NT5C1B: variants seen among roughly 807,000 people sequenced by gnomAD.
The protein encoded by NT5C1B is 5'-nucleotidase, cytosolic IB.
In NT5C1B, 44 loss-of-function variants were observed where a neutral mutation model predicts 57.8. The observed-to-expected ratio is 0.76, with a 90% CI of 0.60 to 0.98. The LOEUF (loss-of-function observed/expected upper bound fraction) is 0.98, where lower values mean the gene tolerates loss of function less well. NT5C1B is among the 50% of genes least tolerant of loss of function. The pLI is 0.00. For missense variants in NT5C1B, 742 were observed against 719.5 expected (o/e 1.03, Z -0.36); for synonymous variants, 284 against 282.6 (o/e 1.00, Z -0.05).
chr2:18,576,213 T>G, exon 8 of NT5C1B: 2 of 1,613,344 alleles, frequency 1.2e-6, no homozygotes, highest in South Asian at 2.2e-5. Context: ...TCACATAATG[T>G]ATCATACTGG....
rs569213286 is a variant in NT5C1B at position 18,586,382 on chromosome 2, C to G, written c.130G>C (p.Glu44Gln). Residue 44 changes from glutamate to glutamine, a missense_variant, in exon 3 of 9, where the codon GAA (glutamate) becomes CAA (glutamine). Transcript: ENST00000304081. ...GAGTCTGTCTTCCGCAGTGATGATT[C>G]TTGTGATCCCTGTGATGGAAAGAAG... 1.3e-4 allele frequency: 207 copies of G among 1,613,976 alleles called. 2 individuals are homozygous for G. In the South Asian group the frequency reaches 2.2e-3, roughly 17 times the overall value.
Position 18,584,276 on chromosome 2 carries a change from G to C in NT5C1B, c.724-21C>G. The C allele has an allele frequency of 6.2e-7, 1 of 1,610,044 alleles. No homozygotes were observed. ...TTGGGCTGCAGAGAGGGACGCCAAA[G>C]GGAGGATAGTCACATAGCCACGAAG... On this transcript the variant is annotated intron_variant, in intron 4 of 8. Coordinates refer to ENST00000304081, the Ensembl canonical transcript of NT5C1B. The surrounding 1 kb of genome is among the most constrained non-coding windows in gnomAD (Gnocchi z 5.8).
intron 8 of NT5C1B, among the ~76,000 whole-genome samples, chr2:18,566,604 A>C (rs1456236524): frequency 6.6e-6 from 1 of 152,214 alleles, no homozygotes; most frequent in Non-Finnish European, 1.5e-5. Context: ...TTCCAAATGG[A>C]AGAAACAGAG....
intron 8 of NT5C1B, among the ~76,000 whole-genome samples, chr2:18,566,332 G>A (rs755613999): frequency 6.6e-4 from 100 of 152,182 alleles, no homozygotes; most frequent in Middle Eastern, 3.4e-3. Context: ...CTTCTTTGCT[G>A]TCATGGAAAC....
At chr2:18,576,682 C>A in intron 7 of NT5C1B, 91 bp downstream of exon 7, 1 of 1,562,568 alleles carries the variant, frequency 6.4e-7, no homozygotes, top group South Asian at 1.2e-5. Flanking sequence ...CCAACAAGAC[C>A]ATAAGCCTCA....
At chr2:18,583,943 C>G (rs756387892) in intron 5 of NT5C1B, 145 bp downstream of exon 5, 17 of 1,445,840 alleles carry the variant, frequency 1.2e-5, no homozygotes, top group Non-Finnish European at 1.6e-5. Context: ...AAATCATAAA[C>G]TGACCTGGGT....
intron 8 of NT5C1B, among the ~76,000 whole-genome samples, chr2:18,567,163 TA>T (rs1664717463): frequency 1.3e-5 from 2 of 151,996 alleles, no homozygotes; most frequent in African/African-American, 4.8e-5. Flanking sequence ...AGTGGGGTGA[TA>T]GAATAAAGCC....
intron 3 of NT5C1B, among the ~76,000 whole-genome samples, chr2:18,585,940 G>A (rs990222796): frequency 6.6e-6 from 1 of 152,042 alleles, no homozygotes; most frequent in African/African-American, 2.4e-5. Flanking sequence ...TCCCTCTTCT[G>A]AGAATCACAG....
In NT5C1B at chr2:18,584,428, A is replaced by G; in HGVS notation, c.723+86T>C. On this transcript the variant is annotated intron_variant, in intron 4 of 8. Coordinates refer to ENST00000304081, the Ensembl canonical transcript of NT5C1B. The surrounding 1 kb of genome is among the most constrained non-coding windows in gnomAD (Gnocchi z 5.8). ...AAGTTTGGGGAGGAGAAGCGGGAGG[A>G]CCTCCCTGCGCAGTGGAGAGGAGGG... The G allele has an allele frequency of 7.8e-6, 12 of 1,528,836 alleles. No individual in the cohort carries two copies. The highest frequency in any genetic ancestry group is 1.1e-5 in the Non-Finnish European group (12 of 1,138,020). 94.7% of individuals were successfully genotyped at this position (1,528,836 alleles called of 1,614,324 possible). A position where few individuals can be genotyped will look rare whatever the true frequency, so the allele number is the denominator to read the frequency against.
intron 6 of NT5C1B, among the ~76,000 whole-genome samples, chr2:18,580,291 C>A (rs1053279220): frequency 6.6e-6 from 1 of 151,932 alleles, no homozygotes; most frequent in Non-Finnish European, 1.5e-5. Flanking sequence ...GGGTATATAC[C>A]CAGAGGAATA....
intron 6 of NT5C1B, among the ~76,000 whole-genome samples, chr2:18,578,539 C>G (rs928841879): frequency 6.6e-6 from 1 of 151,896 alleles, no homozygotes; most frequent in Non-Finnish European, 1.5e-5. Flanking sequence ...TAGTTCAGAA[C>G]TAAAAGTAAA....
chr2:18,584,051 G>C lies in NT5C1B; in HGVS notation c.891+37C>G, dbSNP rs779274761. On this transcript the variant is annotated intron_variant, in intron 5 of 8. Coordinates refer to ENST00000304081, the Ensembl canonical transcript of NT5C1B. This position sits in a 1 kb window ranked among gnomAD's most constrained non-coding sequence, Gnocchi z 5.8. The stretch of plus-strand genomic sequence containing the variant: ...TGGCCTGGGTCCCTCCCTCGCCATC[G>C]AGTGTCCTGGCGGGCCAAAGACAGC... 5.3e-5 allele frequency: 86 copies of C among 1,614,140 alleles called. No individual in the cohort carries two copies. Among genetic ancestry groups the C allele is most frequent in the Non-Finnish European group, 7.2e-5 (85 of 1,180,012 alleles).
At chr2:18,575,540 G>T (rs765373852) in intron 8 of NT5C1B, among the ~76,000 whole-genome samples, 1 of 152,126 alleles carries the variant, frequency 6.6e-6, no homozygotes, top group African/African-American at 2.4e-5. Flanking sequence ...CAGATTAAGT[G>T]ACATTTTGAT....
chr2:18,586,155 A>G, intron 3 of NT5C1B, 99 bp downstream of exon 3: 2 of 1,513,142 alleles, frequency 1.3e-6, no homozygotes, highest in East Asian at 2.3e-5. Context: ...TAACACATGT[A>G]AAGCACATAA....
rs1305109527 is a variant in NT5C1B at position 18,584,012 on chromosome 2, G to A, written c.891+76C>T. 1 of 1,610,856 alleles carries A rather than the reference G, an allele frequency of 6.2e-7. No homozygotes were observed. Among genetic ancestry groups the A allele is most frequent in the East Asian group, 2.2e-5 (1 of 44,850 alleles). ...CTAGGAATGATCTGGGAAATTGGAT[G>A]CCCTCCCAAGGGTTGGCCTGGGTCC... On this transcript the variant is annotated intron_variant, in intron 5 of 8. Transcript: ENST00000304081. This position sits in a 1 kb window ranked among gnomAD's most constrained non-coding sequence, Gnocchi z 5.8.
At chr2:18,575,011 G>C (rs540238401) in intron 8 of NT5C1B, among the ~76,000 whole-genome samples, 2 of 151,924 alleles carry the variant, frequency 1.3e-5, no homozygotes, top group Admixed American at 1.3e-4. Flanking sequence ...TACAAAATGA[G>C]AAAAGAACTG....
Position 18,584,538 on chromosome 2 carries a change from G to T in NT5C1B, c.699C>A (p.Asn233Lys). The change falls in exon 4 of 9, where the codon AAC becomes AAA. Residue 233 changes from asparagine (N) to lysine (K), a missense_variant. By Grantham distance (94) the Asn-to-Lys change is moderately conservative (BLOSUM62 0). Coordinates refer to ENST00000304081, the Ensembl canonical transcript of NT5C1B. This position sits in a 1 kb window ranked among gnomAD's most constrained non-coding sequence, Gnocchi z 5.8. ...CCGGCCAGGGGCGCGAGCAGCTCGG[G>T]TTCTTCTCGTAGAACGACCTCATGG... The T allele has an allele frequency of 2.5e-6, 4 of 1,611,910 alleles. No individual in the cohort carries two copies. Among genetic ancestry groups the T allele is most frequent in the Non-Finnish European group, 3.4e-6 (4 of 1,179,228 alleles).
intron 6 of NT5C1B, among the ~76,000 whole-genome samples, chr2:18,582,613 G>C (rs989831430): frequency 3.3e-5 from 5 of 152,176 alleles, no homozygotes; most frequent in African/African-American, 1.2e-4. Context: ...GAAATATATT[G>C]CAGGACCTAG....
chr2:18,576,868 G>A (rs1316399227), exon 7 of NT5C1B: 9 of 1,613,828 alleles, frequency 5.6e-6, no homozygotes, highest in South Asian at 1.1e-5. Flanking sequence ...TTTTCCCCCG[G>A]TCAGACAGAA....
Sources: allele counts gnomAD v4.1 joint callset (sites outside exome capture counted in the v4.1 genomes callset), GRCh38; gene constraint gnomAD v4.1.1; non-coding constraint Gnocchi (gnomAD v3.1); transcripts MANE v1.5; gene names NCBI Gene and HGNC (gene_info 2026-07-23, HGNC 2026-07-21).